Variants in DTNBP1 observed in about 807,000 individuals in gnomAD.
DTNBP1 encodes the protein dystrobrevin binding protein 1.
Under a neutral mutation model 42.8 loss-of-function variants are expected in DTNBP1, and 35 were observed. The observed-to-expected ratio is 0.82, with a 90% CI of 0.63 to 1.09. The LOEUF is 1.09. DTNBP1 is among the 50% of genes least tolerant of loss of function. The pLI is 0.00. For synonymous variants in DTNBP1, 171 were observed against 162.2 expected (o/e 1.05, Z -0.41); for missense variants, 457 against 424.2 (o/e 1.08, Z -0.68).
intron 4 of DTNBP1, among the ~76,000 whole-genome samples, chr6:15,631,081 T>C (rs1322745450): frequency 6.6e-6 from 1 of 152,190 alleles, no homozygotes; most frequent in Non-Finnish European, 1.5e-5. Flanking sequence ...TCCAAAAGTA[T>C]ATTTGCCCCA....
At chr6:15,545,490 GAC>G (rs143734415) in intron 7 of DTNBP1, among the ~76,000 whole-genome samples, 1 of 151,658 alleles carries the variant, frequency 6.6e-6, no homozygotes, top group Non-Finnish European at 1.5e-5. Context: ...CTCCAACACA[GAC>G]ACACACACAC....
chr6:15,540,119 C>T (rs899985860), intron 7 of DTNBP1, among the ~76,000 whole-genome samples: 2 of 152,070 alleles, frequency 1.3e-5, no homozygotes, highest in African/African-American at 4.8e-5. Flanking sequence ...TGCTCTGGGC[C>T]CCACTCAGAT....
At chr6:15,617,019 A>G (rs1218250682) in intron 5 of DTNBP1, among the ~76,000 whole-genome samples, 1 of 152,192 alleles carries the variant, frequency 6.6e-6, no homozygotes, top group Non-Finnish European at 1.5e-5. Flanking sequence ...AAGCAGTCCC[A>G]TTTACAATAG....
Position 15,587,787 on chromosome 6 carries a change from G to A in DTNBP1, c.511+5272C>T, listed in dbSNP as rs896854339. 1.2e-4 allele frequency among the ~76,000 whole-genome samples: 18 copies of A among 152,106 alleles called. No homozygotes were observed. The highest frequency in any genetic ancestry group is 1.8e-4 in the Non-Finnish European group (12 of 68,026). On this transcript the variant is annotated intron_variant, in intron 7 of 9. Transcript: ENST00000344537. The surrounding 1 kb of genome is among the most constrained non-coding windows in gnomAD (Gnocchi z 4.1). ...ATGAAGGTAGACTTTTAACTCACAC[G>A]AACACAAGGCTTAACTGAAAATGGA...
chr6:15,639,296 T>C (rs185325782), intron 3 of DTNBP1, among the ~76,000 whole-genome samples: 93 of 152,368 alleles, frequency 6.1e-4, no homozygotes, highest in African/African-American at 2.0e-3. Context: ...TTTGTAAATC[T>C]GAAATTATTT....
intron 7 of DTNBP1, chr6:15,585,937 T>C: frequency 7.3e-7 from 1 of 1,373,168 alleles, no homozygotes; most frequent in Non-Finnish European, 9.4e-7. Context: ...TTTTTGCTGA[T>C]GGCTTAAGCA....
chr6:15,574,610 G>A (rs1775484738), intron 7 of DTNBP1, among the ~76,000 whole-genome samples: 1 of 152,206 alleles, frequency 6.6e-6, no homozygotes, highest in Admixed American at 6.5e-5. Context: ...TCTCCAGTGT[G>A]CACAGAAATA....
At chr6:15,532,456 G>A (rs1772911611) in intron 8 of DTNBP1, among the ~76,000 whole-genome samples, 1 of 152,138 alleles carries the variant, frequency 6.6e-6, no homozygotes, top group African/African-American at 2.4e-5. Context: ...ACCTCTTATA[G>A]TATTTTTAAC....
At chr6:15,532,809 C>G (rs370187986) in intron 8 of DTNBP1, among the ~76,000 whole-genome samples, 1 of 149,626 alleles carries the variant, frequency 6.7e-6, no homozygotes, top group Non-Finnish European at 1.5e-5. Context: ...AAGTGATTCC[C>G]GTGCTTCAGC....
intron 7 of DTNBP1, among the ~76,000 whole-genome samples, chr6:15,559,666 C>T (rs1203814468): frequency 6.6e-6 from 1 of 152,058 alleles, no homozygotes; most frequent in African/African-American, 2.4e-5. Flanking sequence ...AATGAGATGC[C>T]CAGAAAACTG....
At chr6:15,617,071 G>A (rs1026526941) in intron 5 of DTNBP1, among the ~76,000 whole-genome samples, 3 of 152,054 alleles carry the variant, frequency 2.0e-5, no homozygotes, top group African/African-American at 4.8e-5. Flanking sequence ...TTAACCAAGG[G>A]AAGGAAAGAG....
At chr6:15,624,037 G>A (rs1044501488) in intron 5 of DTNBP1, among the ~76,000 whole-genome samples, 2 of 152,212 alleles carry the variant, frequency 1.3e-5, no homozygotes, top group African/African-American at 2.4e-5. Context: ...CATCTTGATG[G>A]CAGGTGCCCA....
intron 7 of DTNBP1, among the ~76,000 whole-genome samples, chr6:15,566,701 CTTTTTTTTTT>C (rs368168358): frequency 7.5e-6 from 1 of 132,978 alleles, no homozygotes; most frequent in Non-Finnish European, 1.6e-5. Flanking sequence ...AATGAATCTC[CTTTTTTTTTT>C]TTTTTTTTTG....
intron 5 of DTNBP1, among the ~76,000 whole-genome samples, chr6:15,624,855 T>C (rs890807911): frequency 4.0e-5 from 6 of 151,342 alleles, no homozygotes; most frequent in African/African-American, 1.2e-4. Context: ...TTTAAAACAC[T>C]AAATGTTTCC....
At chr6:15,524,068 C>G in intron 9 of DTNBP1, 4 of 1,307,088 alleles carry the variant, frequency 3.1e-6, no homozygotes, top group Non-Finnish European at 4.0e-6. Context: ...TGAAGTGCAA[C>G]TAAGTTTACA....
At chr6:15,555,195 A>G (rs9296983) in intron 7 of DTNBP1, among the ~76,000 whole-genome samples, 119,963 of 146,902 alleles carry the variant, frequency 0.82, 49,305 homozygotes, top group East Asian at 1. Context: ...ATACGCACAC[A>G]AGATAAAACA....
At chr6:15,547,791 C>CTG (rs1298420798) in intron 7 of DTNBP1, among the ~76,000 whole-genome samples, 1 of 152,244 alleles carries the variant, frequency 6.6e-6, no homozygotes, top group East Asian at 1.9e-4. Context: ...GTGACCAGAT[C>CTG]TGTGCTTTGT....
intron 7 of DTNBP1, among the ~76,000 whole-genome samples, chr6:15,554,273 G>C (rs1774388736): frequency 6.6e-6 from 1 of 151,950 alleles, no homozygotes; most frequent in Non-Finnish European, 1.5e-5. Flanking sequence ...ATTTGAGATA[G>C]AGTCTCACTA....
Position 15,652,124 on chromosome 6 carries a change from C to A in DTNBP1, c.73G>T (p.Asp25Tyr), listed in dbSNP as rs1287372823. ...DFTSGLKTLS[D>Y]KSREAKVKSK... ...TTCACTTTTGCTTCTCTTGACTTGT[C>A]ACTTAAAGTCTTCAGCCTATAATTC... The change falls in exon 2 of 10, where the codon GAC becomes TAC. Residue 25 changes from aspartate to tyrosine, a missense_variant. By Grantham distance (160) the Asp-to-Tyr change is radical. Coordinates refer to ENST00000344537, the MANE Select transcript of DTNBP1 (RefSeq NM_032122.5). The A allele has an allele frequency of 6.2e-7, 1 of 1,611,512 alleles. No homozygotes were observed. The highest frequency in any genetic ancestry group is 2.2e-5 in the East Asian group (1 of 44,774).
Sources: allele counts gnomAD v4.1 joint callset (sites outside exome capture counted in the v4.1 genomes callset), GRCh38; gene constraint gnomAD v4.1.1; non-coding constraint Gnocchi (gnomAD v3.1); transcripts MANE v1.5; gene names NCBI Gene and HGNC (gene_info 2026-07-23, HGNC 2026-07-21).